The following OGFRL1 variants were observed in gnomAD, a reference collection of about 807,000 sequenced individuals.
OGFRL1 encodes the protein opioid growth factor receptor-like protein 1.
In OGFRL1, 26 loss-of-function variants were observed where a neutral mutation model predicts 32.4. The ratio of observed to expected loss-of-function variants is 0.80; its 90% CI spans 0.59 to 1.11. The LOEUF (loss-of-function observed/expected upper bound fraction) is 1.11, where lower values mean the gene tolerates loss of function less well. Ranked by LOEUF, OGFRL1 falls within the 50% of genes most tolerant of loss-of-function variation. The pLI is 0.00. For missense variants in OGFRL1, 521 were observed against 546.4 expected (o/e 0.95, Z 0.46); for synonymous variants, 211 against 201.2 (o/e 1.05, Z -0.41).
chr6:71,302,856 C>A lies in OGFRL1; in HGVS notation c.*807C>A, dbSNP rs1005125870. The A allele has an allele frequency of 1.3e-5, 2 of 152,090 alleles. No individual in the cohort carries two copies. The highest frequency in any genetic ancestry group is 4.8e-5 in the African/African-American group (2 of 41,388). The allele number at this position is 152,090 out of a possible 1,614,324, so 9.4% of individuals were successfully genotyped here. On this transcript the variant is annotated 3_prime_UTR_variant, in exon 7 of 7. Coordinates refer to ENST00000370435, the MANE Select transcript of OGFRL1 (RefSeq NM_024576.5). The stretch of plus-strand genomic sequence containing the variant: ...GGATTCTTTGATTCTAGTATCTCAA[C>A]GTGTTTATTTTTAGATTCTGATAAG...
In OGFRL1 at chr6:71,304,697, T is replaced by G. The variant is rs527761847; in HGVS notation, c.*2648T>G. 156 of 152,178 alleles carry G rather than the reference T, an allele frequency of 1.0e-3. No homozygotes were observed. Among genetic ancestry groups the G allele is most frequent in the African/African-American group, 3.6e-3 (150 of 41,562 alleles). The allele number at this position is 152,178 out of a possible 1,614,324, so 9.4% of individuals were successfully genotyped here. Reference sequence around the variant, plus strand: ...TCCTACTTAGGGATTTTGATTAGATTGTAACATTAAATTCGAGAATATTTA... The same window carrying G: ...TCCTACTTAGGGATTTTGATTAGATGGTAACATTAAATTCGAGAATATTTA... On this transcript the variant is annotated 3_prime_UTR_variant, in exon 7 of 7. Coordinates refer to ENST00000370435, the MANE Select transcript of OGFRL1 (RefSeq NM_024576.5).
chr6:71,289,277 TGCTC>T, intron 1 of OGFRL1, 107 bp downstream of exon 1: 1 of 1,010,942 alleles, frequency 9.9e-7, no homozygotes, highest in Non-Finnish European at 1.2e-6. Context: ...GCCAGGTGGC[TGCTC>T]GCCGCTGCGA....
At chr6:71,295,769 C>A (rs981656405) in intron 3 of OGFRL1, 3 of 152,264 alleles carry the variant, frequency 2.0e-5, no homozygotes, top group Non-Finnish European at 4.4e-5. Flanking sequence ...TTTTCTCCTT[C>A]TCATTTCTTT....
In OGFRL1 at chr6:71,293,581, T is replaced by TA; in HGVS notation, c.371dup (p.Tyr124Ter). Residue 124 changes from tyrosine to a stop codon, truncating the protein, a stop_gained and frameshift_variant, in exon 3 of 7, where the codon TAT (tyrosine) becomes TAAT (stop). Transcript: ENST00000370435. LOFTEE classifies it high-confidence loss of function. Reference sequence around the variant, plus strand: ...AAATGACTTGAGCAATCTTCGTTTTTATAAGAATAAAATTCCATTCAAGCC... The same window carrying TA: ...AAATGACTTGAGCAATCTTCGTTTTTAATAAGAATAAAATTCCATTCAAGCC... ...YQNDLSNLRF[Y>*]KNKIPFKPDG... 6.2e-7 allele frequency: 1 copy of TA among 1,612,784 alleles called. No homozygotes were observed. Among genetic ancestry groups the TA allele is most frequent in the Non-Finnish European group, 8.5e-7 (1 of 1,179,100 alleles).
intron 6 of OGFRL1, among the ~76,000 whole-genome samples, chr6:71,300,175 G>A (rs1302119199): frequency 1.3e-5 from 2 of 152,192 alleles, no homozygotes; most frequent in Non-Finnish European, 2.9e-5. Flanking sequence ...ACAGGCTTTA[G>A]GAAGTTAGAA....
chr6:71,296,686 A>T lies in OGFRL1; in HGVS notation c.561A>T (p.Thr187=). Reference sequence around the variant, plus strand: ...TTTTATATTAGGAATTCAAAAAAACAAAAGAAGCAATTAGAAGATTCCTCC... The same window carrying T: ...TTTTATATTAGGAATTCAAAAAAACTAAAGAAGCAATTAGAAGATTCCTCC... ...TTYEIEEFKK[T]KEAIRRFLLA... is the part of the protein sequence containing the mutation. Residue 187 remains threonine (T), a synonymous_variant, in exon 6 of 7, where the codon ACA becomes ACT. Coordinates refer to ENST00000370435, the MANE Select transcript of OGFRL1 (RefSeq NM_024576.5). The T allele has an allele frequency of 2.5e-6, 4 of 1,610,550 alleles. No homozygotes were observed. The highest frequency in any genetic ancestry group is 3.4e-6 in the Non-Finnish European group (4 of 1,178,878).
rs1766553629 is a variant in OGFRL1, at chr6:71,306,445, T to C, written c.*4396T>C. On this transcript the variant is annotated 3_prime_UTR_variant, in exon 7 of 7. Coordinates refer to ENST00000370435, the MANE Select transcript of OGFRL1 (RefSeq NM_024576.5). ...CCCTTATTATTGAAATGAATAATAA[T>C]ATAGCTATAAATATGAATGTCTGGA... 1.3e-5 allele frequency: 2 copies of C among 152,194 alleles called. No homozygotes were observed. The highest frequency in any genetic ancestry group is 4.1e-4 in the South Asian group (2 of 4,834). The allele number at this position is 152,194 out of a possible 1,614,324, so 9.4% of individuals were successfully genotyped here.
intron 1 of OGFRL1, chr6:71,289,641 T>A: frequency 3.1e-6 from 3 of 977,328 alleles, no homozygotes; most frequent in Non-Finnish European, 3.6e-6. Flanking sequence ...TACAGTGGGG[T>A]CTAAGCCGTC....
At position 71,306,140 on chromosome 6, in the gene OGFRL1, G is replaced by T. The variant is rs151282357; in HGVS notation, c.*4091G>T. On this transcript the variant is annotated 3_prime_UTR_variant, in exon 7 of 7. Transcript: ENST00000370435. ...AGGAAATTCCCCTCTCTCATTTGGG[G>T]TATATGCGTTGAGTATAAGGTAGGC... The T allele has an allele frequency of 3.3e-5, 5 of 152,214 alleles. No individual in the cohort carries two copies. In the East Asian group the frequency reaches 9.6e-4, roughly 29 times the overall value. The allele number at this position is 152,214 out of a possible 1,614,324, so 9.4% of individuals were successfully genotyped here.
rs762661357 is a variant in OGFRL1 at position 71,305,960 on chromosome 6, C to T, written c.*3911C>T. The T allele has an allele frequency of 6.6e-6, 1 of 152,148 alleles. No individual in the cohort carries two copies. The highest frequency in any genetic ancestry group is 2.4e-5 in the African/African-American group (1 of 41,458). The allele number at this position is 152,148 out of a possible 1,614,324, so 9.4% of individuals were successfully genotyped here. A position where few individuals can be genotyped will look rare whatever the true frequency, so the allele number is the denominator to read the frequency against. On this transcript the variant is annotated 3_prime_UTR_variant, in exon 7 of 7. Coordinates refer to ENST00000370435, the MANE Select transcript of OGFRL1 (RefSeq NM_024576.5). ...CATTTTTTAAACTATAATTGAGGCTCTTCTAAAGCTTTGTTTTCTAATCTA... is the reference window on the plus strand; with the variant it reads ...CATTTTTTAAACTATAATTGAGGCTTTTCTAAAGCTTTGTTTTCTAATCTA...
rs773746901 is a variant in OGFRL1 at position 71,293,366 on chromosome 6, G to A, written c.308G>A (p.Arg103Gln). Reference sequence around the variant, plus strand: ...GCTGCCAGGGATTTGTACAAGTACCGACACCAGTACCCAGTAAGAGTATAG... The same window carrying A: ...GCTGCCAGGGATTTGTACAAGTACCAACACCAGTACCCAGTAAGAGTATAG... ...FYAARDLYKY[R>Q]HQYPNFKDIR... Residue 103 changes from arginine (R) to glutamine (Q), a missense_variant, in exon 2 of 7, where the codon CGA becomes CAA. Arg to Gln is a conservative substitution (Grantham distance 43). Transcript: ENST00000370435. 4 of 1,613,502 alleles carry A rather than the reference G, an allele frequency of 2.5e-6. No homozygotes were observed. The highest frequency in any genetic ancestry group is 1.7e-6 in the Non-Finnish European group (2 of 1,179,680).
intron 4 of OGFRL1, 32 bp downstream of exon 4, chr6:71,296,427 T>A (rs752221520): frequency 4.4e-6 from 7 of 1,598,222 alleles, no homozygotes; most frequent in Middle Eastern, 3.3e-4. Context: ...TTGAACCATG[T>A]CCTATTTAAT....
chr6:71,297,235 C>A (rs76593226), intron 6 of OGFRL1, among the ~76,000 whole-genome samples: 2,400 of 152,042 alleles, frequency 0.016, 25 homozygotes, highest in Middle Eastern at 0.024. Flanking sequence ...TAAATTCATG[C>A]ATTAAGCCTA....
chr6:71,297,605 C>G (rs1421878955), intron 6 of OGFRL1, among the ~76,000 whole-genome samples: 1 of 151,920 alleles, frequency 6.6e-6, no homozygotes, highest in African/African-American at 2.4e-5. Context: ...ATACAGCCAC[C>G]AGCTTTAAAG....
chr6:71,292,570 T>C (rs1333362069), intron 1 of OGFRL1, among the ~76,000 whole-genome samples: 1 of 152,234 alleles, frequency 6.6e-6, no homozygotes, highest in Non-Finnish European at 1.5e-5. Flanking sequence ...TTCATGGTGA[T>C]AGGAATTTTA....
At chr6:71,301,346 C>T in intron 6 of OGFRL1, 40 bp from the exon 7 acceptor site, 2 of 1,481,562 alleles carry the variant, frequency 1.3e-6, no homozygotes, top group African/African-American at 1.4e-5. Flanking sequence ...CTTCCTACAC[C>T]TGATTTCCCC....
Position 71,296,683 on chromosome 6 carries a change from A to C in OGFRL1, c.558A>C (p.Lys186Asn). ...ATTTTTTATATTAGGAATTCAAAAA[A>C]ACAAAAGAAGCAATTAGAAGATTCC... ...LTTYEIEEFK[K>N]TKEAIRRFLL... The change falls in exon 6 of 7, where the codon AAA becomes AAC. Residue 186 changes from lysine to asparagine, a missense_variant. By Grantham distance (94) the Lys-to-Asn change is moderately conservative. Transcript: ENST00000370435. 6.2e-7 allele frequency: 1 copy of C among 1,610,906 alleles called. No individual in the cohort carries two copies. Among genetic ancestry groups the C allele is most frequent in the Non-Finnish European group, 8.5e-7 (1 of 1,178,956 alleles).
rs778015946 is a variant in OGFRL1, at chr6:71,301,389, C to T, written c.696C>T (p.Ser232=). 3.2e-6 allele frequency: 5 copies of T among 1,565,166 alleles called. No individual in the cohort carries two copies. The highest frequency in any genetic ancestry group is 1.4e-5 in the African/African-American group (1 of 72,904). Reference sequence around the variant, plus strand: ...TTTATTCAATCCTCTCTTCCAGGTCCCAGCACAACTATTTAAGAATCACTC... The same window carrying T: ...TTTATTCAATCCTCTCTTCCAGGTCTCAGCACAACTATTTAAGAATCACTC... ...WQERFQHLNE[S]QHNYLRITRI... is the part of the protein sequence containing the mutation. The change falls in exon 7 of 7, where the codon TCC becomes TCT. Residue 232 remains serine, a synonymous_variant. Transcript: ENST00000370435.
Position 71,307,989 on chromosome 6 carries a change from C to T in OGFRL1, c.*5940C>T, listed in dbSNP as rs896609181. On this transcript the variant is annotated 3_prime_UTR_variant, in exon 7 of 7. Coordinates refer to ENST00000370435, the MANE Select transcript of OGFRL1 (RefSeq NM_024576.5). The stretch of plus-strand genomic sequence containing the variant: ...TGGGGACATGCTTTAAGAATCAGCT[C>T]TGTATTTGTGCCAAGGAGATCAGGT... The T allele has an allele frequency of 6.6e-6, 1 of 152,182 alleles. No homozygotes were observed. The highest frequency in any genetic ancestry group is 1.5e-5 in the Non-Finnish European group (1 of 68,036). The allele number at this position is 152,182 out of a possible 1,614,324, so 9.4% of individuals were successfully genotyped here.
Sources: gnomAD v4.1 joint callset for allele counts (sites outside exome capture counted in the v4.1 genomes callset) on GRCh38, gnomAD v4.1.1 for gene constraint, MANE v1.5 for transcripts, NCBI Gene and HGNC (gene_info 2026-07-23, HGNC 2026-07-21) for gene names.